The following FREM2 variants were observed in gnomAD, a reference collection of about 807,000 sequenced individuals.
The protein encoded by FREM2 is FRAS1 related extracellular matrix 2, also known as FRAS1-related extracellular matrix protein 2.
A neutral mutation model predicts 219.9 loss-of-function variants in FREM2; 119 were observed. The ratio of observed to expected loss-of-function variants is 0.54; its 90% CI spans 0.47 to 0.63. The LOEUF (loss-of-function observed/expected upper bound fraction) is 0.63. Ranked by LOEUF, FREM2 falls within the 30% of genes least tolerant of loss-of-function variation. FREM2 has a pLI of 0.00. For missense variants in FREM2, 4,030 were observed against 3,993.6 expected (o/e 1.01, Z -0.25); for synonymous variants, 1,562 against 1,522.8 (o/e 1.03, Z -0.60).
At chr13:38,811,530 A>T (rs1369172258) in intron 6 of FREM2, among the ~76,000 whole-genome samples, 9 of 151,872 alleles carry the variant, frequency 5.9e-5, no homozygotes, top group Non-Finnish European at 1.5e-5. Context: ...AAAATTTTTC[A>T]GTTTCCTTCT....
intron 2 of FREM2, among the ~76,000 whole-genome samples, chr13:38,760,331 T>C (rs1381327594): frequency 6.6e-6 from 1 of 152,224 alleles, no homozygotes; most frequent in Non-Finnish European, 1.5e-5. Flanking sequence ...ACTGTTCAGC[T>C]ATGTGTCATT....
chr13:38,802,262 G>A (rs544558475), intron 6 of FREM2, among the ~76,000 whole-genome samples: 2 of 152,296 alleles, frequency 1.3e-5, no homozygotes, highest in South Asian at 2.1e-4. Flanking sequence ...CACTCTCAAT[G>A]GGAACAGAGT....
chr13:38,864,590 T>C lies in FREM2; in HGVS notation c.7967T>C (p.Ile2656Thr), dbSNP rs1877890003. ...SELLADCGGT[I>T]GTDGQVLNLV... is the part of the protein sequence containing the mutation. ...CTCCTTGCTGACTGTGGTGGCACCA[T>C]TGGAACAGATGGACAGGTACAGATT... Residue 2656 changes from isoleucine to threonine, a missense_variant, in exon 16 of 24, where the codon ATT (isoleucine) becomes ACT (threonine). Physicochemically the swap from Ile to Thr is moderately conservative, Grantham distance 89. Around this residue, in one of 2 missense-constraint regions of FREM2, gnomAD observed 928 missense variants for 1,042.9 expected, o/e 0.89. Coordinates refer to ENST00000280481, the MANE Select transcript of FREM2 (RefSeq NM_207361.6). 3 of 1,613,930 alleles carry C rather than the reference T, an allele frequency of 1.9e-6. No individual in the cohort carries two copies. Among genetic ancestry groups the C allele is most frequent in the Non-Finnish European group, 2.5e-6 (3 of 1,179,914 alleles).
rs764017977 is a variant in FREM2, at chr13:38,687,825, G to A, written c.481G>A (p.Gly161Arg). 1 of 1,544,898 alleles carries A rather than the reference G, an allele frequency of 6.5e-7. No homozygotes were observed. Among genetic ancestry groups the A allele is most frequent in the African/African-American group, 1.4e-5 (1 of 73,752 alleles). The stretch of plus-strand genomic sequence containing the variant: ...GCTGCAGCTGCGCTATGACGCGCCC[G>A]GAGGGGCAGTAGTGCTACCACTGGT... ...VRLQLRYDAP[G>R]GAVVLPLVLE... The change falls in exon 1 of 24, where the codon GGA becomes AGA. Residue 161 changes from glycine (G) to arginine (R), a missense_variant. This residue lies in a region of FREM2 where 3,102 missense variants were observed against 2,950.7 expected (regional missense o/e 1.05). Coordinates refer to ENST00000280481, the MANE Select transcript of FREM2 (RefSeq NM_207361.6).
rs754159558 is a variant in FREM2 at position 38,864,334 on chromosome 13, G to A, written c.7711G>A (p.Asp2571Asn). 1.2e-6 allele frequency: 2 copies of A among 1,614,200 alleles called. No homozygotes were observed. Among genetic ancestry groups the A allele is most frequent in the Non-Finnish European group, 1.7e-6 (2 of 1,180,020 alleles). ...CAACTTTGAGCTCACCCTCAGCCCT[G>A]ATGGCACAAGAGTTGGAAACCACAA... Reference protein sequence around the residue: ...LSNFELTLSPDGTRVGNHKCS... With the variant: ...LSNFELTLSPNGTRVGNHKCS... The change falls in exon 16 of 24, where the codon GAT (aspartate) becomes AAT (asparagine). Residue 2571 changes from aspartate to asparagine, a missense_variant. By Grantham distance (23) the Asp-to-Asn change is conservative. Coordinates refer to ENST00000280481, the MANE Select transcript of FREM2 (RefSeq NM_207361.6).
chr13:38,851,669 G>A lies in FREM2; in HGVS notation c.6743-17G>A, dbSNP rs939941426. ...CTTACTAACAATTTCATTTGTCTTT[G>A]TTTCCCACAATTTTAGAGACTGTTA... On this transcript the variant is annotated splice_polypyrimidine_tract_variant and intron_variant, in intron 10 of 23. Transcript: ENST00000280481. The A allele has an allele frequency of 6.4e-7, 1 of 1,574,132 alleles. No homozygotes were observed.
intron 2 of FREM2, among the ~76,000 whole-genome samples, chr13:38,745,124 C>G (rs1052115997): frequency 6.6e-6 from 1 of 152,058 alleles, no homozygotes; most frequent in African/African-American, 2.4e-5. Flanking sequence ...GAAAATATGA[C>G]TGTAAGGAAC....
Position 38,884,342 on chromosome 13 carries a change from T to C in FREM2, c.*3555T>C, listed in dbSNP as rs1388775636. On this transcript the variant is annotated 3_prime_UTR_variant, in exon 24 of 24. Coordinates refer to ENST00000280481, the MANE Select transcript of FREM2 (RefSeq NM_207361.6). ...ATCACAGAGAGCTTTTCCTTATACA[T>C]CTCAATGCTGAGAGTTAAAATATTC... is the stretch of plus-strand genomic sequence containing the variant. 1 of 152,184 alleles carries C rather than the reference T, an allele frequency of 6.6e-6. No homozygotes were observed. Among genetic ancestry groups the C allele is most frequent in the African/African-American group, 2.4e-5 (1 of 41,446 alleles). 9.4% of individuals were successfully genotyped at this position (152,184 alleles called of 1,614,324 possible).
At chr13:38,708,315 C>T (rs1456557154) in intron 2 of FREM2, among the ~76,000 whole-genome samples, 4 of 152,108 alleles carry the variant, frequency 2.6e-5, no homozygotes, top group Non-Finnish European at 4.4e-5. Flanking sequence ...TTGCCTTCCC[C>T]TCTGACCTGG....
chr13:38,746,554 AT>A (rs1038632370), intron 2 of FREM2, among the ~76,000 whole-genome samples: 14 of 152,192 alleles, frequency 9.2e-5, no homozygotes, highest in African/African-American at 3.4e-4. Context: ...GTAGGCAAAG[AT>A]TTTTGAAGTA....
rs1869719308 is a variant in FREM2, at chr13:38,689,718, G to T, written c.2374G>T (p.Glu792Ter). The T allele has an allele frequency of 6.2e-7, 1 of 1,613,758 alleles. No homozygotes were observed. The highest frequency in any genetic ancestry group is 1.1e-5 in the South Asian group (1 of 91,032). ...AATTGCTTACAGACCCCCGGGTCAA[G>T]AACTGGGCGTGGCTACTCGAGTGGC... The part of the protein sequence containing the change: ...HKIAYRPPGQ[E>*]LGVATRVAQF... Residue 792 changes from glutamate to a stop codon, truncating the protein, a stop_gained, in exon 1 of 24, where the codon GAA becomes TAA. Transcript: ENST00000280481. LOFTEE classifies it high-confidence loss of function.
chr13:38,851,091 T>A lies in FREM2; in HGVS notation c.6725T>A (p.Ile2242Asn). ...GAACAAAATGAAACTCTCATAAGGATCCGAGATGATGCTGATAGTAAGAAA... is the reference window on the plus strand; with the variant it reads ...GAACAAAATGAAACTCTCATAAGGAACCGAGATGATGCTGATAGTAAGAAA... ...VGEQNETLIRIRDDADKTVIK... is the reference protein window; with the variant it reads ...VGEQNETLIRNRDDADKTVIK... The change falls in exon 10 of 24, where the codon ATC becomes AAC. Residue 2242 changes from isoleucine to asparagine, a missense_variant. This residue lies in a region of FREM2 where 3,102 missense variants were observed against 2,950.7 expected (regional missense o/e 1.05). Coordinates refer to ENST00000280481, the MANE Select transcript of FREM2 (RefSeq NM_207361.6). 6.2e-7 allele frequency: 1 copy of A among 1,613,846 alleles called. No individual in the cohort carries two copies. Among genetic ancestry groups the A allele is most frequent in the Non-Finnish European group, 8.5e-7 (1 of 1,179,948 alleles).
At chr13:38,714,788 A>T (rs1051540899) in intron 2 of FREM2, among the ~76,000 whole-genome samples, 4 of 152,130 alleles carry the variant, frequency 2.6e-5, no homozygotes, top group African/African-American at 4.8e-5. Flanking sequence ...ATTTAAAAAA[A>T]ATTACTTAAA....
chr13:38,862,835 G>T (rs1021045044), intron 15 of FREM2, among the ~76,000 whole-genome samples: 4 of 152,094 alleles, frequency 2.6e-5, no homozygotes, highest in African/African-American at 9.7e-5. Context: ...ACATAAAGAT[G>T]GTATGGAATT....
At chr13:38,803,687 A>G (rs1007809723) in intron 6 of FREM2, among the ~76,000 whole-genome samples, 1 of 150,538 alleles carries the variant, frequency 6.6e-6, no homozygotes, top group Non-Finnish European at 1.5e-5. Context: ...TTGTGTGACA[A>G]CCCGCAGGGG....
At chr13:38,803,018 A>G (rs1048085528) in intron 6 of FREM2, among the ~76,000 whole-genome samples, 2 of 151,944 alleles carry the variant, frequency 1.3e-5, no homozygotes, top group Non-Finnish European at 2.9e-5. Flanking sequence ...TTGAATCCCA[A>G]TATGGTCCCT....
In FREM2 at chr13:38,843,440, CA is replaced by C. The variant is rs35771970; in HGVS notation, c.6020-3121del. 1.6e-3 allele frequency among the ~76,000 whole-genome samples: 218 copies of C among 139,924 alleles called. 1 individual carries two copies. The highest frequency in any genetic ancestry group is 1.7e-3 in the Non-Finnish European group (111 of 63,890). The allele number at this position is 139,924 out of a possible 152,430, so 91.8% of individuals were successfully genotyped here. A position where few individuals can be genotyped will look rare whatever the true frequency, so the allele number is the denominator to read the frequency against. On this transcript the variant is annotated intron_variant, in intron 6 of 23. Transcript: ENST00000280481. ...CTTAAAAGAAACCAAGTTTCTAGGC[CA>C]AAAAAAAAAAAGTTTACCAAAGAAA...
In FREM2 at chr13:38,881,195, G is replaced by A. The variant is rs946421861; in HGVS notation, c.*408G>A. Reference sequence around the variant, plus strand: ...GCAATTATCACATTGTTTATTAATTGTATAACAGATTATTACTAGAAAGGT... The same window carrying A: ...GCAATTATCACATTGTTTATTAATTATATAACAGATTATTACTAGAAAGGT... On this transcript the variant is annotated 3_prime_UTR_variant, in exon 24 of 24. Coordinates refer to ENST00000280481, the MANE Select transcript of FREM2 (RefSeq NM_207361.6). 1.5e-5 allele frequency: 4 copies of A among 261,408 alleles called. No individual in the cohort carries two copies. The highest frequency in any genetic ancestry group is 4.5e-5 in the African/African-American group (2 of 44,658). 16.2% of individuals were successfully genotyped at this position (261,408 alleles called of 1,614,324 possible). A position where few individuals can be genotyped will look rare whatever the true frequency, so the allele number is the denominator to read the frequency against.
Position 38,689,503 on chromosome 13 carries a change from C to T in FREM2, c.2159C>T (p.Pro720Leu). ...RMVVQESQLT[P>L]LRKKWLRYTD... The stretch of plus-strand genomic sequence containing the variant: ...GTGGTACAGGAATCCCAGCTCACAC[C>T]ACTGAGGAAGAAGTGGCTGCGCTAC... The change falls in exon 1 of 24, where the codon CCA (proline) becomes CTA (leucine). Residue 720 changes from proline to leucine, a missense_variant. This residue lies in a region of FREM2 where 3,102 missense variants were observed against 2,950.7 expected (regional missense o/e 1.05). Coordinates refer to ENST00000280481, the MANE Select transcript of FREM2 (RefSeq NM_207361.6). The T allele has an allele frequency of 3.1e-6, 5 of 1,614,072 alleles. No homozygotes were observed. Among genetic ancestry groups the T allele is most frequent in the Non-Finnish European group, 4.2e-6 (5 of 1,180,006 alleles).
Sources: allele counts gnomAD v4.1 joint callset (sites outside exome capture counted in the v4.1 genomes callset), GRCh38; gene constraint gnomAD v4.1.1; regional missense constraint gnomAD v4.1.1; transcripts MANE v1.5; gene names NCBI Gene and HGNC (gene_info 2026-07-23, HGNC 2026-07-21).